The following HADHA variants were observed in gnomAD, a reference collection of about 807,000 sequenced individuals.
The protein encoded by HADHA is trifunctional enzyme subunit alpha, mitochondrial.
Under a neutral mutation model 91.3 loss-of-function variants are expected in HADHA, and 59 were observed. The ratio of observed to expected loss-of-function variants is 0.65; its 90% CI spans 0.52 to 0.80. The LOEUF (loss-of-function observed/expected upper bound fraction) is 0.80, where lower values mean the gene tolerates loss of function less well. Ranked by LOEUF, HADHA falls within the 30% of genes least tolerant of loss-of-function variation. The pLI is 0.00. For synonymous variants in HADHA, 320 were observed against 338.9 expected, an observed-to-expected ratio of 0.94 and a Z score of 0.61; for missense variants, 800 against 927.6, an observed-to-expected ratio of 0.86 and a Z score of 1.79.
At position 26,190,899 on chromosome 2, in the gene HADHA, T is replaced by C. The variant is rs185428283; in HGVS notation, c.*351A>G. 12 of 392,492 alleles carry C rather than the reference T, an allele frequency of 3.1e-5. No homozygotes were observed. Among genetic ancestry groups the C allele is most frequent in the South Asian group, 2.8e-4 (10 of 35,552 alleles). 24.3% of individuals were successfully genotyped at this position (392,492 alleles called of 1,614,324 possible). On this transcript the variant is annotated 3_prime_UTR_variant, in exon 20 of 20. Transcript: ENST00000380649. The stretch of plus-strand genomic sequence containing the variant: ...ACACAGAGTTTGGTTTTTATTGTTA[T>C]GTGTTTGGCTGGGTGCAGAACTGCC...
chr2:26,241,638 G>A (rs969273155), intron 1 of HADHA, among the ~76,000 whole-genome samples: 20 of 151,724 alleles, frequency 1.3e-4, no homozygotes, highest in African/African-American at 4.6e-4. Flanking sequence ...GTGACACAGT[G>A]AGACTCCGTC....
intron 3 of HADHA, 107 bp downstream of exon 3, chr2:26,238,827 T>C (rs1278623401): frequency 1.2e-6 from 1 of 800,138 alleles, no homozygotes; most frequent in Non-Finnish European, 2.2e-6. Flanking sequence ...TCATGTAAGA[T>C]TACTGCCAGA....
chr2:26,191,651 AG>A, intron 18 of HADHA, 23 bp from the exon 19 acceptor site: 1 of 1,613,466 alleles, frequency 6.2e-7, no homozygotes, highest in South Asian at 1.1e-5. Context: ...AGAGATGTTT[AG>A]GTAGAAGAAG....
chr2:26,204,216 T>C lies in HADHA; in HGVS notation c.1086-20A>G, dbSNP rs1409859319. Reference sequence around the variant, plus strand: ...AGATGCCTGCAAGGCAAGGATGAAATGACTTTCGGTAAACTGATCTTAATC... The same window carrying C: ...AGATGCCTGCAAGGCAAGGATGAAACGACTTTCGGTAAACTGATCTTAATC... On this transcript the variant is annotated intron_variant, in intron 11 of 19. Transcript: ENST00000380649. The C allele has an allele frequency of 6.2e-7, 1 of 1,612,706 alleles. No individual in the cohort carries two copies. The highest frequency in any genetic ancestry group is 8.5e-7 in the Non-Finnish European group (1 of 1,178,668).
intron 17 of HADHA, among the ~76,000 whole-genome samples, chr2:26,193,120 A>G (rs1574601804): frequency 6.6e-6 from 1 of 151,922 alleles, no homozygotes; most frequent in Non-Finnish European, 1.5e-5. Context: ...CAGCATGGTA[A>G]AGCCCGGATG....
At position 26,244,586 on chromosome 2, in the gene HADHA, C is replaced by A; in HGVS notation, c.11G>T (p.Cys4Phe). 1 of 1,583,790 alleles carries A rather than the reference C, an allele frequency of 6.3e-7. No individual in the cohort carries two copies. Among genetic ancestry groups the A allele is most frequent in the Non-Finnish European group, 8.6e-7 (1 of 1,164,540 alleles). MVA[C>F]RAIGILSRFS... Reference sequence around the variant, plus strand: ...GCGGCTGAGGATGCCAATCGCCCGGCAGGCCACCATCTTGAGCTGAAGAGG... The same window carrying A: ...GCGGCTGAGGATGCCAATCGCCCGGAAGGCCACCATCTTGAGCTGAAGAGG... Residue 4 changes from cysteine (C) to phenylalanine (F), a missense_variant, in exon 1 of 20, where the codon TGC (cysteine) becomes TTC (phenylalanine). Cys to Phe is a radical substitution (Grantham distance 205). Transcript: ENST00000380649.
chr2:26,197,691 C>G lies in HADHA; in HGVS notation c.1479G>C (p.Lys493Asn). ...GGGTTTTTCTCTGTTCCGAGTTTAC[C>G]TTCTCAGGTCTTTTGCTGACAGCAG... is the stretch of plus-strand genomic sequence containing the variant. Reference protein sequence around the residue: ...EIAAVSKRPEKVIGMHYFSPV... With the variant: ...EIAAVSKRPENVIGMHYFSPV... Residue 493 changes from lysine to asparagine, a missense_variant and splice_region_variant, in exon 14 of 20, where the codon AAG (lysine) becomes AAC (asparagine). Coordinates refer to ENST00000380649, the MANE Select transcript of HADHA (RefSeq NM_000182.5). 1 of 1,363,680 alleles carries G rather than the reference C, an allele frequency of 7.3e-7. No individual in the cohort carries two copies. The highest frequency in any genetic ancestry group is 1.1e-6 in the Non-Finnish European group (1 of 950,890). 84.5% of individuals were successfully genotyped at this position (1,363,680 alleles called of 1,614,324 possible). A position where few individuals can be genotyped will look rare whatever the true frequency, so the allele number is the denominator to read the frequency against.
intron 17 of HADHA, 41 bp from the exon 18 acceptor site, chr2:26,192,465 A>C: frequency 2.8e-6 from 3 of 1,078,694 alleles, no homozygotes; most frequent in Non-Finnish European, 4.3e-6. Flanking sequence ...ATTTGTTCTC[A>C]GGGAGGGAGT....
intron 7 of HADHA, among the ~76,000 whole-genome samples, chr2:26,225,581 G>C (rs1005944913): frequency 6.6e-6 from 1 of 151,930 alleles, no homozygotes; most frequent in African/African-American, 2.4e-5. Context: ...AAGAAGCAAG[G>C]CTAGTTCAAT....
intron 11 of HADHA, among the ~76,000 whole-genome samples, chr2:26,208,237 G>T (rs1035123075): frequency 6.6e-6 from 1 of 151,898 alleles, no homozygotes; most frequent in African/African-American, 2.4e-5. Context: ...GTTGTTTTTT[G>T]GGGGACAGAA....
intron 7 of HADHA, among the ~76,000 whole-genome samples, chr2:26,228,517 T>A (rs1433656213): frequency 6.6e-6 from 1 of 152,202 alleles, no homozygotes; most frequent in African/African-American, 2.4e-5. Flanking sequence ...ATGCTCATCA[T>A]TTGGTGAACG....
intron 4 of HADHA, chr2:26,235,448 T>A (rs1043452791): frequency 6.6e-6 from 1 of 152,268 alleles, no homozygotes; most frequent in South Asian, 2.1e-4. Flanking sequence ...ATAACTAGTA[T>A]ATTCTGTAAT....
intron 11 of HADHA, among the ~76,000 whole-genome samples, chr2:26,207,220 T>TC (rs1314460132): frequency 6.6e-6 from 1 of 151,558 alleles, no homozygotes; most frequent in Non-Finnish European, 1.5e-5. Flanking sequence ...CCCACCCCTT[T>TC]CCCCTAACAA....
In HADHA at chr2:26,221,227, C is replaced by T. The variant is rs1670368538; in HGVS notation, c.677-6052G>A. Among the ~76,000 whole-genome samples, 2 of 152,144 alleles carry T rather than the reference C, an allele frequency of 1.3e-5. No individual in the cohort carries two copies. The highest frequency in any genetic ancestry group is 4.8e-5 in the African/African-American group (2 of 41,430). Reference sequence around the variant, plus strand: ...AAGAGAAGCTGTTCTGCCATTTGGGCCACGTGATTCAAACCTGATGGCGCC... The same window carrying T: ...AAGAGAAGCTGTTCTGCCATTTGGGTCACGTGATTCAAACCTGATGGCGCC... On this transcript the variant is annotated intron_variant, in intron 7 of 19. Coordinates refer to ENST00000380649, the MANE Select transcript of HADHA (RefSeq NM_000182.5). This position sits in a 1 kb window ranked among gnomAD's most constrained non-coding sequence, Gnocchi z 4.8.
In HADHA at chr2:26,214,292, C is replaced by G; in HGVS notation, c.918+151G>C. 1.4e-6 allele frequency: 1 copy of G among 724,706 alleles called. No homozygotes were observed. Among genetic ancestry groups the G allele is most frequent in the Non-Finnish European group, 2.5e-6 (1 of 396,158 alleles). The allele number at this position is 724,706 out of a possible 1,614,324, so 44.9% of individuals were successfully genotyped here. On this transcript the variant is annotated intron_variant, in intron 9 of 19. Transcript: ENST00000380649. This position sits in a 1 kb window ranked among gnomAD's most constrained non-coding sequence, Gnocchi z 4.1. Reference sequence around the variant, plus strand: ...ACTTTATATGAGTCCTTACAGCTTGCTATGCCCTTCCCTTATTTTTGGTAA... The same window carrying G: ...ACTTTATATGAGTCCTTACAGCTTGGTATGCCCTTCCCTTATTTTTGGTAA...
At chr2:26,220,901 T>G (rs1670357869) in intron 7 of HADHA, among the ~76,000 whole-genome samples, 1 of 152,204 alleles carries the variant, frequency 6.6e-6, no homozygotes, top group Non-Finnish European at 1.5e-5. Context: ...TATTAACTAC[T>G]CTAGACATAC....
rs1323737552 is a variant in HADHA at position 26,244,588 on chromosome 2, G to A, written c.9C>T (p.Ala3=). The change falls in exon 1 of 20, where the codon GCC becomes GCT. Residue 3 remains alanine (A), a synonymous_variant. Transcript: ENST00000380649. ...GGCTGAGGATGCCAATCGCCCGGCAGGCCACCATCTTGAGCTGAAGAGGAC... is the reference window on the plus strand; with the variant it reads ...GGCTGAGGATGCCAATCGCCCGGCAAGCCACCATCTTGAGCTGAAGAGGAC... MV[A]CRAIGILSRF... is the part of the protein sequence containing the mutation. The A allele has an allele frequency of 5.1e-6, 8 of 1,582,938 alleles. No individual in the cohort carries two copies. The African/African-American group carries it at 1.1e-4, about 21-fold the overall frequency.
intron 7 of HADHA, among the ~76,000 whole-genome samples, chr2:26,222,139 T>C (rs955703251): frequency 1.1e-4 from 17 of 152,224 alleles, no homozygotes; most frequent in African/African-American, 3.9e-4. Context: ...TAATCTAATC[T>C]GACTGGTATC....
rs148883886 is a variant in HADHA, at chr2:26,213,258, T to C, written c.919-632A>G. ...CCTGTTGCTGCTTTCCTATTTTTAC[T>C]ATTCTATCTCAGGGCCTTATTCAAA... On this transcript the variant is annotated intron_variant, in intron 9 of 19. Coordinates refer to ENST00000380649, the MANE Select transcript of HADHA (RefSeq NM_000182.5). 9.5e-4 allele frequency among the ~76,000 whole-genome samples: 145 copies of C among 152,326 alleles called. 1 individual carries two copies. The highest frequency in any genetic ancestry group is 3.4e-3 in the African/African-American group (140 of 41,568).
Sources: allele counts gnomAD v4.1 joint callset (sites outside exome capture counted in the v4.1 genomes callset), GRCh38; gene constraint gnomAD v4.1.1; non-coding constraint Gnocchi (gnomAD v3.1); transcripts MANE v1.5; gene names NCBI Gene and HGNC (gene_info 2026-07-23, HGNC 2026-07-21).